The following ERMP1 variants were observed in gnomAD, a reference collection of about 807,000 sequenced individuals.
ERMP1 encodes Felix-ina.
In ERMP1, 86 loss-of-function variants were observed where a neutral mutation model predicts 92.0. That is an observed-to-expected ratio of 0.93 (90% CI 0.79 to 1.12). The LOEUF is 1.12. Ranked by LOEUF, ERMP1 falls within the 50% of genes most tolerant of loss-of-function variation. The pLI, the probability that ERMP1 is intolerant of heterozygous loss-of-function variation, is 0.00. For missense variants in ERMP1, 1,342 were observed against 1,116.3 expected, an observed-to-expected ratio of 1.20 and a Z score of -2.88; for synonymous variants, 530 against 412.8, an observed-to-expected ratio of 1.28 and a Z score of -3.44.
intron 13 of ERMP1, chr9:5,791,352 G>C: frequency 2.2e-6 from 1 of 455,106 alleles, no homozygotes; most frequent in Non-Finnish European, 4.4e-6. Context: ...CCTCTCCTTG[G>C]GGAAGGTCAG....
In ERMP1 at chr9:5,823,930, T is replaced by C; in HGVS notation, c.840A>G (p.Ala280=). 6.2e-7 allele frequency: 1 copy of C among 1,614,040 alleles called. No homozygotes were observed. Among genetic ancestry groups the C allele is most frequent in the Non-Finnish European group, 8.5e-7 (1 of 1,179,886 alleles). ...ATACAAGTTCTTTCCCTCCTACACC[T>C]GCTGCCTCTAGGTTAATGAATGCAC... The part of the protein sequence containing the change: ...LIRAFINLEA[A]GVGGKELVFQ... Residue 280 remains alanine, a synonymous_variant, in exon 4 of 15, where the codon GCA becomes GCG. Transcript: ENST00000339450.
chr9:5,830,389 A>C (rs1305699462), intron 2 of ERMP1, among the ~76,000 whole-genome samples: 5 of 152,130 alleles, frequency 3.3e-5, no homozygotes, highest in African/African-American at 1.2e-4. Context: ...TGAGTAAAAC[A>C]CTTTCTAAGT....
rs1467453038 is a variant in ERMP1, at chr9:5,811,353, G to C, written c.1115-30C>G. On this transcript the variant is annotated intron_variant, in intron 6 of 14. Transcript: ENST00000339450. ...TAGTAAAAACAAAAAAAAAAAGAAAGAAAAGGAAAAAGATAAAAAGGCTGA... is the reference window on the plus strand; with the variant it reads ...TAGTAAAAACAAAAAAAAAAAGAAACAAAAGGAAAAAGATAAAAAGGCTGA... 6.7e-6 allele frequency: 10 copies of C among 1,502,750 alleles called. No homozygotes were observed. The highest frequency in any genetic ancestry group is 9.1e-6 in the Non-Finnish European group (10 of 1,101,590). 93.1% of individuals were successfully genotyped at this position (1,502,750 alleles called of 1,614,324 possible). A position where few individuals can be genotyped will look rare whatever the true frequency, so the allele number is the denominator to read the frequency against.
chr9:5,820,306 A>G (rs10975302), intron 4 of ERMP1, among the ~76,000 whole-genome samples: 51,761 of 152,128 alleles, frequency 0.34, 10,235 homozygotes, highest in East Asian at 0.75. Context: ...CTCAAAAAGA[A>G]AAGGTGGCTA....
chr9:5,801,668 T>C (rs1196741313), intron 10 of ERMP1, among the ~76,000 whole-genome samples: 3 of 152,220 alleles, frequency 2.0e-5, no homozygotes, highest in African/African-American at 7.2e-5. Flanking sequence ...GGATTATTCA[T>C]TAAATAACCA....
At chr9:5,831,555 G>A (rs1292387436) in intron 1 of ERMP1, among the ~76,000 whole-genome samples, 1 of 152,104 alleles carries the variant, frequency 6.6e-6, no homozygotes, top group African/African-American at 2.4e-5. Context: ...CTACAGACCC[G>A]AGATGGAGCC....
intron 2 of ERMP1, 148 bp from the exon 3 acceptor site, chr9:5,825,367 T>C: frequency 4.0e-6 from 3 of 751,584 alleles, no homozygotes; most frequent in Non-Finnish European, 6.3e-6. Flanking sequence ...CAGGTGACAA[T>C]CACACCCACC....
chr9:5,842,151 G>C (rs563735031), intron 6 of ERMP1, among the ~76,000 whole-genome samples: 3 of 152,332 alleles, frequency 2.0e-5, no homozygotes, highest in Non-Finnish European at 4.4e-5. Flanking sequence ...GACTGGAGCA[G>C]GTTGCAGCTG....
chr9:5,829,220 A>G (rs1354778100), intron 2 of ERMP1, among the ~76,000 whole-genome samples: 2 of 126,166 alleles, frequency 1.6e-5, no homozygotes, highest in Non-Finnish European at 3.3e-5. Context: ...CCCCCCAGCC[A>G]AAAAAAAAAA....
intron 5 of ERMP1, among the ~76,000 whole-genome samples, chr9:5,861,058 TTC>T (rs1563786661): frequency 6.6e-6 from 1 of 152,174 alleles, no homozygotes; most frequent in Non-Finnish European, 1.5e-5. Flanking sequence ...GTCTGTGGTA[TTC>T]TGTTATAGCC....
intron 6 of ERMP1, among the ~76,000 whole-genome samples, chr9:5,838,589 T>C (rs10815289): frequency 0.33 from 49,832 of 151,584 alleles, 9,882 homozygotes; most frequent in East Asian, 0.75. Flanking sequence ...ATTTCATATG[T>C]AGACATCTAT....
chr9:5,830,851 G>A lies in ERMP1; in HGVS notation c.516C>T (p.Phe172=). The A allele has an allele frequency of 1.2e-6, 2 of 1,614,134 alleles. No individual in the cohort carries two copies. The highest frequency in any genetic ancestry group is 8.5e-7 in the Non-Finnish European group (1 of 1,179,994). The change falls in exon 2 of 15, where the codon TTC becomes TTT. Residue 172 remains phenylalanine (F), a synonymous_variant. Coordinates refer to ENST00000339450, the MANE Select transcript of ERMP1 (RefSeq NM_024896.3). ...QRPTGSFSID[F]LGGFTSYYDN... ...CATAATAGCTTGTAAAACCTCCCAA[G>A]AAATCAATGCTAAAAGAGCCTGTGG...
chr9:5,812,437 T>C (rs1829133491), intron 5 of ERMP1, among the ~76,000 whole-genome samples: 1 of 152,214 alleles, frequency 6.6e-6, no homozygotes, highest in African/African-American at 2.4e-5. Flanking sequence ...AGAAGTATAT[T>C]ACTCCACAGG....
At chr9:5,840,803 G>GAACCTTCATTTGCATGGCATTAA (rs991758763) in intron 6 of ERMP1, among the ~76,000 whole-genome samples, 1 of 152,166 alleles carries the variant, frequency 6.6e-6, no homozygotes, top group Non-Finnish European at 1.5e-5. Context: ...TCTGTGGTTG[G>GAACCTTCATTTGCATGGCATTAA]AACCTTCATT....
intron 8 of ERMP1, among the ~76,000 whole-genome samples, chr9:5,806,642 G>C (rs1828884862): frequency 6.6e-6 from 1 of 151,834 alleles, no homozygotes; most frequent in Non-Finnish European, 1.5e-5. Context: ...GTCTTGCCAT[G>C]TTGCTCAGCC....
intron 4 of ERMP1, among the ~76,000 whole-genome samples, chr9:5,823,145 C>T (rs1305640831): frequency 1.3e-5 from 2 of 151,884 alleles, no homozygotes; most frequent in Admixed American, 1.3e-4. Context: ...AATAGCCAGG[C>T]GTGATAGCAA....
intron 6 of ERMP1, among the ~76,000 whole-genome samples, chr9:5,849,063 G>A (rs181680413): frequency 2.0e-4 from 31 of 151,818 alleles, no homozygotes; most frequent in African/African-American, 6.3e-4. Context: ...TTGCTCTGTC[G>A]CCAGGCTGGA....
chr9:5,795,775 C>CA (rs1049497548), intron 13 of ERMP1, among the ~76,000 whole-genome samples: 6 of 150,996 alleles, frequency 4.0e-5, no homozygotes, highest in Admixed American at 2.6e-4. Flanking sequence ...GAGACTGTCT[C>CA]AAAAAAGAAA....
intron 4 of ERMP1, among the ~76,000 whole-genome samples, chr9:5,819,905 G>T (rs1300907303): frequency 6.6e-6 from 1 of 152,040 alleles, no homozygotes; most frequent in Non-Finnish European, 1.5e-5. Flanking sequence ...TTCCTATTTG[G>T]GATGATAAAA....
Sources: allele counts gnomAD v4.1 joint callset (sites outside exome capture counted in the v4.1 genomes callset), GRCh38; gene constraint gnomAD v4.1.1; transcripts MANE v1.5; gene names NCBI Gene and HGNC (gene_info 2026-07-23, HGNC 2026-07-21).